SYTL5: variants seen among roughly 807,000 people sequenced by gnomAD.
SYTL5 encodes synaptotagmin-like protein 5.
SYTL5 carries 34 observed loss-of-function variants against 55.9 expected under a neutral mutation model. The observed-to-expected ratio is 0.61, with a 90% CI of 0.46 to 0.81. The LOEUF (loss-of-function observed/expected upper bound fraction) is 0.81, where lower values mean the gene tolerates loss of function less well. Among genes scored for constraint, SYTL5 ranks in the 30% least tolerant of loss-of-function variants. The pLI is 0.00. For missense variants in SYTL5, 637 were observed against 546.7 expected, an observed-to-expected ratio of 1.17 and a Z score of -1.65; for synonymous variants, 221 against 188.7, an observed-to-expected ratio of 1.17 and a Z score of -1.40.
chrX:37,929,868 G>C, the SYTL5 span, among the ~76,000 whole-genome samples: 2 of 111,655 alleles, frequency 1.8e-5, no homozygotes, highest in African/African-American at 6.5e-5. Context: ...CTTCTAAAAA[G>C]AAAAAAATAT....
chrX:37,915,081 C>G, the SYTL5 span, among the ~76,000 whole-genome samples: 1 of 111,694 alleles, frequency 9.0e-6, no homozygotes, highest in African/African-American at 3.3e-5. Context: ...TTGCTGTGCA[C>G]AATCCACCTC....
Position 38,106,788 on chromosome X carries a change from T to C in SYTL5, c.1334+17T>C. The C allele has an allele frequency of 8.7e-7, 1 of 1,149,115 alleles. No homozygotes were observed. The highest frequency in any genetic ancestry group is 2.1e-5 in the South Asian group (1 of 46,966). 94.7% of individuals were successfully genotyped at this position (1,149,115 alleles called of 1,213,427 possible). A position where few individuals can be genotyped will look rare whatever the true frequency, so the allele number is the denominator to read the frequency against. ...GACAGATGCGTAAGCACATAGCATG[T>C]TCCTCAGACTATTTCAGTCACTGCC... On this transcript the variant is annotated intron_variant, in intron 11 of 16. Transcript: ENST00000297875.
At chrX:38,007,256 T>A (rs1247928617) in intron 1 of SYTL5, among the ~76,000 whole-genome samples, 1 of 111,857 alleles carries the variant, frequency 8.9e-6, no homozygotes, top group East Asian at 2.8e-4. Context: ...AAACCTGGAA[T>A]AATTTCAACA....
chrX:37,893,693 TTATA>T, the SYTL5 span, among the ~76,000 whole-genome samples: 1 of 66,463 alleles, frequency 1.5e-5, no homozygotes, highest in Non-Finnish European at 2.3e-5. Flanking sequence ...AAACTATAGA[TTATA>T]TATAATCTAT....
At chrX:37,979,273 C>A in the SYTL5 span, among the ~76,000 whole-genome samples, 1 of 109,394 alleles carries the variant, frequency 9.1e-6, no homozygotes, top group African/African-American at 3.3e-5. Context: ...ACTGAATCCA[C>A]ATGTTGCAAG....
chrX:37,903,553 G>T, the SYTL5 span, among the ~76,000 whole-genome samples: 3 of 77,138 alleles, frequency 3.9e-5, no homozygotes, highest in Non-Finnish European at 7.2e-5. Flanking sequence ...CCTGTTGTGG[G>T]GTGGGGGGAG....
At chrX:37,907,370 C>A in the SYTL5 span, among the ~76,000 whole-genome samples, 2 of 111,882 alleles carry the variant, frequency 1.8e-5, no homozygotes, top group African/African-American at 6.5e-5. Context: ...TAGAAAAGAA[C>A]CCTCCTTGAA....
chrX:38,117,532 A>G (rs1452326604), intron 13 of SYTL5, among the ~76,000 whole-genome samples: 1 of 112,067 alleles, frequency 8.9e-6, no homozygotes, highest in Admixed American at 9.4e-5. Flanking sequence ...ATGCCAAACT[A>G]CCTTAAACCT....
At chrX:38,008,053 AC>A (rs1157301080) in intron 1 of SYTL5, among the ~76,000 whole-genome samples, 1 of 111,363 alleles carries the variant, frequency 9.0e-6, no homozygotes, top group East Asian at 2.8e-4. Context: ...TGTTGAAATT[AC>A]TTCCTTATTA....
chrX:37,924,133 T>C, the SYTL5 span, among the ~76,000 whole-genome samples: 1 of 111,351 alleles, frequency 9.0e-6, no homozygotes, highest in Non-Finnish European at 1.9e-5. Context: ...AAGGTAAGTC[T>C]AGATAAAAAG....
intron 2 of SYTL5, among the ~76,000 whole-genome samples, chrX:38,053,208 G>A (rs1419889830): frequency 1.8e-5 from 2 of 112,288 alleles, no homozygotes; most frequent in African/African-American, 6.5e-5. Flanking sequence ...ACGTTCCCAG[G>A]TGATGCTGAT....
At chrX:37,990,809 G>C in the SYTL5 span, 24 of 1,164,760 alleles carry the variant, frequency 2.1e-5, no homozygotes, top group Non-Finnish European at 2.8e-5. Flanking sequence ...GAATCAAGCA[G>C]AGCTGATGAG....
At chrX:38,015,220 T>C (rs185578381) in intron 1 of SYTL5, among the ~76,000 whole-genome samples, 139 of 112,506 alleles carry the variant, frequency 1.2e-3, no homozygotes, top group African/African-American at 4.1e-3. Flanking sequence ...GAAAATATAG[T>C]ACAACATGGA....
chrX:38,120,430 G>A lies in SYTL5; in HGVS notation c.1669G>A (p.Glu557Lys). 1 of 1,209,736 alleles carries A rather than the reference G, an allele frequency of 8.3e-7. No individual in the cohort carries two copies. The highest frequency in any genetic ancestry group is 1.8e-5 in the South Asian group (1 of 56,922). Residue 557 changes from glutamate (E) to lysine (K), a missense_variant, in exon 14 of 17, where the codon GAA becomes AAA. Physicochemically the swap from Glu to Lys is moderately conservative, Grantham distance 56 (BLOSUM62 1). Coordinates refer to ENST00000297875, the MANE Select transcript of SYTL5 (RefSeq NM_138780.3). The stretch of plus-strand genomic sequence containing the variant: ...AGTTGTTTTACGTTACATTCCCCCA[G>A]AAGAGAACCTGATGCTTCCACCAGA... ...LTVVLRYIPPEENLMLPPEQL... is the reference protein window; with the variant it reads ...LTVVLRYIPPKENLMLPPEQL...
At position 38,108,612 on chromosome X, in the gene SYTL5, A is replaced by G. The variant is rs926907640; in HGVS notation, c.1347A>G (p.Ser449=). ...KKQRTDAYVK[S]YLLPDKSRNN... The stretch of plus-strand genomic sequence containing the variant: ...TTCTTATCTATAGTTATGTCAAGTC[A>G]TATCTTCTTCCTGACAAGTCCCGGA... The change falls in exon 12 of 17, where the codon TCA becomes TCG. Residue 449 remains serine, a synonymous_variant. Coordinates refer to ENST00000297875, the MANE Select transcript of SYTL5 (RefSeq NM_138780.3). 5 of 1,187,293 alleles carry G rather than the reference A, an allele frequency of 4.2e-6. No homozygotes were observed. Among genetic ancestry groups the G allele is most frequent in the Non-Finnish European group, 5.7e-6 (5 of 877,870 alleles).
chrX:37,916,184 T>C, the SYTL5 span, among the ~76,000 whole-genome samples: 1 of 111,573 alleles, frequency 9.0e-6, no homozygotes, highest in Non-Finnish European at 1.9e-5. Flanking sequence ...AGTTGCCCAC[T>C]TTAGAATAAC....
In SYTL5 at chrX:38,028,105, T is replaced by C. The variant is rs533688222; in HGVS notation, c.-356-5429T>C. On this transcript the variant is annotated intron_variant, in intron 1 of 16. Transcript: ENST00000297875. ...TCCCAAAGTGTTGGGATTACAGGCA[T>C]GAGCCACTGCGCCCAGCCAATTCTT... Among the ~76,000 whole-genome samples, 1,052 of 111,943 alleles carry C rather than the reference T, an allele frequency of 9.4e-3. 7 individuals carry two copies. The highest frequency in any genetic ancestry group is 0.041 in the Middle Eastern group (9 of 218).
chrX:38,053,470 TG>T (rs1486008255), intron 2 of SYTL5, among the ~76,000 whole-genome samples: 1 of 112,335 alleles, frequency 8.9e-6, no homozygotes, highest in Non-Finnish European at 1.9e-5. Flanking sequence ...TGATGGAACC[TG>T]GATTTAAACA....
chrX:38,114,735 T>A (rs1007398297), intron 13 of SYTL5, among the ~76,000 whole-genome samples: 13 of 111,532 alleles, frequency 1.2e-4, no homozygotes, highest in Non-Finnish European at 2.3e-4. Context: ...ACATTGTTAT[T>A]ATTAATAACT....
Sources: gnomAD v4.1 joint callset for allele counts (sites outside exome capture counted in the v4.1 genomes callset) on GRCh38, gnomAD v4.1.1 for gene constraint, MANE v1.5 for transcripts, NCBI Gene and HGNC (gene_info 2026-07-23, HGNC 2026-07-21) for gene names.